The following RIMBP2 variants were observed in gnomAD, a reference collection of about 807,000 sequenced individuals.
RIMBP2 encodes the protein RIMS binding protein 2, also known as RIMS-binding protein 2.
In RIMBP2, 48 loss-of-function variants were observed where a neutral mutation model predicts 118.6. The observed-to-expected ratio is 0.40, with a 90% CI of 0.32 to 0.51. The LOEUF is 0.51. RIMBP2 is among the 20% of genes least tolerant of loss of function. The pLI is 0.41. For synonymous variants in RIMBP2, 762 were observed against 742.9 expected (o/e 1.03, Z -0.42); for missense variants, 1,551 against 1,768.3 (o/e 0.88, Z 2.20).
At chr12:130,516,124 T>C (rs893932751) in intron 3 of RIMBP2, among the ~76,000 whole-genome samples, 8 of 152,246 alleles carry the variant, frequency 5.3e-5, no homozygotes, top group African/African-American at 1.9e-4. Flanking sequence ...AGCAACAATG[T>C]GCAGGATTCC....
chr12:130,491,952 C>T (rs2048687592), intron 4 of RIMBP2, among the ~76,000 whole-genome samples: 1 of 152,238 alleles, frequency 6.6e-6, no homozygotes, highest in African/African-American at 2.4e-5. Context: ...CAGGGAAAAG[C>T]TCGGATGTGA....
chr12:130,400,493 C>T (rs1257054360), intron 21 of RIMBP2, among the ~76,000 whole-genome samples: 3 of 152,174 alleles, frequency 2.0e-5, no homozygotes. Context: ...TGGTCATCTG[C>T]ACCAAGTGGC....
intron 6 of RIMBP2, among the ~76,000 whole-genome samples, chr12:130,457,060 G>A (rs1261707396): frequency 6.6e-6 from 1 of 152,206 alleles, no homozygotes; most frequent in African/African-American, 2.4e-5. Context: ...TCTGGGCTGT[G>A]CGTGCAGCCC....
At chr12:130,485,072 G>A (rs1052391096) in intron 4 of RIMBP2, among the ~76,000 whole-genome samples, 3 of 148,620 alleles carry the variant, frequency 2.0e-5, no homozygotes, top group East Asian at 2.1e-4. Context: ...CCCACTGGAC[G>A]TGTGTAGCCC....
intron 2 of RIMBP2, among the ~76,000 whole-genome samples, chr12:130,584,563 ACCT>A (rs1180379650): frequency 1.3e-5 from 2 of 150,896 alleles, no homozygotes; most frequent in African/African-American, 2.4e-5. Context: ...CACCACCATC[ACCT>A]CATCACCACC....
rs776122713 is a variant in RIMBP2, at chr12:130,414,161, C to G, written c.3384G>C (p.Glu1128Asp). 1 of 1,614,228 alleles carries G rather than the reference C, an allele frequency of 6.2e-7. No individual in the cohort carries two copies. The highest frequency in any genetic ancestry group is 8.5e-7 in the Non-Finnish European group (1 of 1,180,046). Residue 1128 changes from glutamate to aspartate, a missense_variant, in exon 18 of 23, where the codon GAG becomes GAC. Physicochemically the swap from Glu to Asp is conservative, Grantham distance 45. This residue lies in a region of RIMBP2 where 1,038 missense variants were observed against 1,125.1 expected (regional missense o/e 0.92). Coordinates refer to ENST00000690449, the MANE Select transcript of RIMBP2 (RefSeq NM_001393629.1). ...LTMSPNPDAA[E>D]EELPFKEGQI... ...GGCCTTCTTTAAAGGGAAGCTCCTC[C>G]TCTGCAGCATCTGGGTTTGGGGACA...
intron 13 of RIMBP2, 61 bp downstream of exon 13, chr12:130,436,781 G>A (rs2077548788): frequency 7.8e-7 from 1 of 1,283,432 alleles, no homozygotes; most frequent in African/African-American, 1.6e-5. Context: ...GGAGATTACA[G>A]GGCCCCGTCC....
At chr12:130,459,730 C>T (rs2079805658) in intron 6 of RIMBP2, among the ~76,000 whole-genome samples, 1 of 151,940 alleles carries the variant, frequency 6.6e-6, no homozygotes, top group East Asian at 1.9e-4. Flanking sequence ...GGGAACAGGG[C>T]AGGCTGTCTG....
intron 2 of RIMBP2, among the ~76,000 whole-genome samples, chr12:130,602,175 T>C (rs1221822799): frequency 6.6e-6 from 1 of 152,200 alleles, no homozygotes; most frequent in African/African-American, 2.4e-5. Context: ...ATTTATACAG[T>C]GCTAACTTGT....
At chr12:130,550,461 G>A (rs1465461753) in intron 2 of RIMBP2, among the ~76,000 whole-genome samples, 1 of 152,178 alleles carries the variant, frequency 6.6e-6, no homozygotes, top group Non-Finnish European at 1.5e-5. Context: ...AATTCTGAAG[G>A]GCGTCTGTAC....
chr12:130,641,799 G>T (rs564577126), intron 1 of RIMBP2, among the ~76,000 whole-genome samples: 1 of 152,208 alleles, frequency 6.6e-6, no homozygotes, highest in South Asian at 2.1e-4. Context: ...AGGACAGAGT[G>T]GTCAACACAG....
At chr12:130,480,422 C>A (rs935992689) in intron 4 of RIMBP2, among the ~76,000 whole-genome samples, 2 of 152,238 alleles carry the variant, frequency 1.3e-5, no homozygotes, top group Admixed American at 6.5e-5. Flanking sequence ...CCCCCCATGT[C>A]CCCTGACATC....
chr12:130,477,400 G>A (rs1331358453), intron 5 of RIMBP2, among the ~76,000 whole-genome samples: 1 of 152,230 alleles, frequency 6.6e-6, no homozygotes, highest in Non-Finnish European at 1.5e-5. Context: ...CTTCTGGAGT[G>A]TGACGAATAA....
In RIMBP2 at chr12:130,670,551, A is replaced by C. The variant is rs1251964963; in HGVS notation, c.-351-42095T>G. Among the ~76,000 whole-genome samples the C allele has an allele frequency of 6.6e-6, 1 of 152,030 alleles. No homozygotes were observed. The highest frequency in any genetic ancestry group is 1.5e-5 in the Non-Finnish European group (1 of 68,012). On this transcript the variant is annotated intron_variant, in intron 1 of 22. Coordinates refer to ENST00000690449, the MANE Select transcript of RIMBP2 (RefSeq NM_001393629.1). The surrounding 1 kb of genome is among the most constrained non-coding windows in gnomAD (Gnocchi z 4.9). ...TCCTTAGCCGACTTTATATATATGG[A>C]GGTCTCAACATAAAGTTTACACTTG... is the stretch of plus-strand genomic sequence containing the variant.
chr12:130,711,078 A>G (rs1328071905), intron 1 of RIMBP2, among the ~76,000 whole-genome samples: 1 of 152,208 alleles, frequency 6.6e-6, no homozygotes, highest in African/African-American at 2.4e-5. Flanking sequence ...TCCCATCTCT[A>G]TTAAAAATAC....
intron 17 of RIMBP2, among the ~76,000 whole-genome samples, chr12:130,418,228 C>A (rs2076213983): frequency 6.6e-6 from 1 of 152,234 alleles, no homozygotes; most frequent in South Asian, 2.1e-4. Context: ...AATGCCTAAT[C>A]TAAAATGTCA....
intron 16 of RIMBP2, among the ~76,000 whole-genome samples, chr12:130,423,564 GC>G (rs2076553748): frequency 6.6e-6 from 1 of 151,910 alleles, no homozygotes; most frequent in African/African-American, 2.4e-5. Context: ...GGCAGGGCCG[GC>G]GGGGAGAAGG....
intron 1 of RIMBP2, among the ~76,000 whole-genome samples, chr12:130,648,363 C>T (rs1312885407): frequency 6.9e-6 from 1 of 145,172 alleles, no homozygotes; most frequent in Non-Finnish European, 1.6e-5. Flanking sequence ...AGGACTGAAT[C>T]ATCTTATCTT....
intron 2 of RIMBP2, among the ~76,000 whole-genome samples, chr12:130,532,422 C>T (rs529221773): frequency 1.3e-4 from 19 of 150,314 alleles, no homozygotes; most frequent in South Asian, 8.4e-4. Flanking sequence ...TAATGAGATG[C>T]GTGTGTTCAG....
Sources: gnomAD v4.1 joint callset for allele counts (sites outside exome capture counted in the v4.1 genomes callset) on GRCh38, gnomAD v4.1.1 for gene constraint, gnomAD v4.1.1 regional missense constraint, Gnocchi (gnomAD v3.1) non-coding constraint, MANE v1.5 for transcripts, NCBI Gene and HGNC (gene_info 2026-07-23, HGNC 2026-07-21) for gene names.